Variants in RALGAPA1 observed in about 807,000 individuals in gnomAD.
The protein encoded by RALGAPA1 is Ral GTPase activating protein catalytic subunit alpha 1, also known as ral GTPase-activating protein subunit alpha-1.
Under a neutral mutation model 269.6 loss-of-function variants are expected in RALGAPA1, and 52 were observed. The observed-to-expected ratio is 0.19, with a 90% CI of 0.15 to 0.24. RALGAPA1 has a LOEUF of 0.24. Among genes scored for constraint, RALGAPA1 ranks in the 10% least tolerant of loss-of-function variants. The probability of loss-of-function intolerance (pLI) is 1.00; values close to 1 mark genes in which losing one functional copy is unlikely to be tolerated. For synonymous variants in RALGAPA1, 817 were observed against 1,008.3 expected, an observed-to-expected ratio of 0.81 and a Z score of 3.60; for missense variants, 1,917 against 3,013.9, an observed-to-expected ratio of 0.64 and a Z score of 8.52.
intron 7 of RALGAPA1, among the ~76,000 whole-genome samples, chr14:35,752,979 C>T (rs773633984): frequency 6.6e-6 from 1 of 152,140 alleles, no homozygotes; most frequent in Non-Finnish European, 1.5e-5. Context: ...TATGAATTAA[C>T]ATTAAGATAG....
chr14:35,701,135 A>G (rs1019463367), intron 16 of RALGAPA1, among the ~76,000 whole-genome samples: 33 of 152,194 alleles, frequency 2.2e-4, no homozygotes, highest in African/African-American at 8.0e-4. Context: ...GTTCACAAAA[A>G]TTAAAGATAA....
chr14:35,586,746 C>A (rs2058320884), intron 37 of RALGAPA1, among the ~76,000 whole-genome samples: 2 of 152,106 alleles, frequency 1.3e-5, no homozygotes, highest in African/African-American at 4.8e-5. Flanking sequence ...GGTTCTGTTT[C>A]TATGCTGGAT....
chr14:35,796,425 G>A (rs998339724), intron 1 of RALGAPA1, among the ~76,000 whole-genome samples: 6 of 152,038 alleles, frequency 3.9e-5, no homozygotes, highest in South Asian at 2.1e-4. Flanking sequence ...TCCCTAATAC[G>A]GTAGTAAATG....
At chr14:35,732,440 C>T (rs972775234) in intron 12 of RALGAPA1, among the ~76,000 whole-genome samples, 2 of 151,898 alleles carry the variant, frequency 1.3e-5, no homozygotes, top group Admixed American at 6.6e-5. Context: ...GGTCTAAATG[C>T]TCCACTTAAA....
intron 39 of RALGAPA1, among the ~76,000 whole-genome samples, chr14:35,566,549 T>G (rs1042131146): frequency 6.6e-6 from 1 of 152,124 alleles, no homozygotes; most frequent in African/African-American, 2.4e-5. Flanking sequence ...GATTAACTGG[T>G]GGTTTCCAAA....
chr14:35,787,723 A>C (rs765662282), intron 1 of RALGAPA1, among the ~76,000 whole-genome samples: 13 of 151,094 alleles, frequency 8.6e-5, no homozygotes, highest in Non-Finnish European at 1.3e-4. Context: ...CAACAGGTAC[A>C]TGTCACCACA....
intron 18 of RALGAPA1, among the ~76,000 whole-genome samples, chr14:35,688,219 C>T (rs1215432326): frequency 6.6e-6 from 1 of 152,092 alleles, no homozygotes; most frequent in Non-Finnish European, 1.5e-5. Context: ...ATCCACTTTC[C>T]TATGTTGTTG....
chr14:35,577,506 A>G (rs1487743634), intron 37 of RALGAPA1, among the ~76,000 whole-genome samples: 1 of 152,216 alleles, frequency 6.6e-6, no homozygotes, highest in Non-Finnish European at 1.5e-5. Flanking sequence ...TGAATCTGTC[A>G]GCATCTTGAT....
intron 31 of RALGAPA1, among the ~76,000 whole-genome samples, chr14:35,643,561 A>G (rs2062177192): frequency 6.6e-6 from 1 of 152,220 alleles, no homozygotes; most frequent in Admixed American, 6.5e-5. Context: ...GGAAATCAGC[A>G]TATCTAAGAG....
intron 16 of RALGAPA1, among the ~76,000 whole-genome samples, chr14:35,705,863 G>A (rs992080326): frequency 6.6e-6 from 1 of 152,042 alleles, no homozygotes; most frequent in Non-Finnish European, 1.5e-5. Context: ...GGTGTGTAGT[G>A]GTATCTTGTC....
chr14:35,803,634 A>C (rs2077137008), intron 1 of RALGAPA1, among the ~76,000 whole-genome samples: 1 of 150,202 alleles, frequency 6.7e-6, no homozygotes, highest in Non-Finnish European at 1.5e-5. Flanking sequence ...TATATAAAGA[A>C]CTTTTTTTTT....
chr14:35,564,848 G>T (rs2139360424), intron 39 of RALGAPA1, among the ~76,000 whole-genome samples: 1 of 151,670 alleles, frequency 6.6e-6, no homozygotes, highest in East Asian at 1.9e-4. Flanking sequence ...CACCTTCTGA[G>T]GCCCAGATTT....
intron 5 of RALGAPA1, among the ~76,000 whole-genome samples, chr14:35,762,448 G>A (rs1567178019): frequency 6.6e-6 from 1 of 152,048 alleles, no homozygotes; most frequent in Non-Finnish European, 1.5e-5. Flanking sequence ...TAGAGACAGG[G>A]TTTCACTATG....
chr14:35,696,041 G>A (rs1000116371), intron 17 of RALGAPA1, among the ~76,000 whole-genome samples: 11 of 152,178 alleles, frequency 7.2e-5, no homozygotes, highest in Non-Finnish European at 1.5e-4. Flanking sequence ...CTGATGTTAA[G>A]AAACAGTGCA....
chr14:35,565,215 A>T (rs1158001198), intron 39 of RALGAPA1, among the ~76,000 whole-genome samples: 1 of 151,692 alleles, frequency 6.6e-6, no homozygotes, highest in East Asian at 1.9e-4. Flanking sequence ...TAATAAGGAT[A>T]AAAAGAAAAG....
chr14:35,711,792 A>G (rs2068366360), intron 16 of RALGAPA1, among the ~76,000 whole-genome samples: 1 of 152,060 alleles, frequency 6.6e-6, no homozygotes, highest in Non-Finnish European at 1.5e-5. Flanking sequence ...TCTTTTTAAA[A>G]CAATGCTGTA....
chr14:35,787,036 T>G (rs1312633033), intron 1 of RALGAPA1, among the ~76,000 whole-genome samples: 7 of 152,220 alleles, frequency 4.6e-5, no homozygotes, highest in African/African-American at 1.4e-4. Flanking sequence ...CCCTGCCCCA[T>G]GAAGCCTTCT....
At chr14:35,690,079 T>C (rs2066349508) in intron 17 of RALGAPA1, 76 bp from the exon 18 acceptor site, 1 of 1,076,608 alleles carries the variant, frequency 9.3e-7, no homozygotes, top group Admixed American at 3.0e-5. Context: ...AATAATGCTC[T>C]AAAGCATATG....
intron 41 of RALGAPA1, among the ~76,000 whole-genome samples, chr14:35,543,191 C>T (rs533188541): frequency 1.2e-4 from 19 of 152,254 alleles, no homozygotes; most frequent in East Asian, 9.6e-4. Context: ...TTTTTGTATT[C>T]GTAAAATGGA....
Sources: gnomAD v4.1 joint callset for allele counts (sites outside exome capture counted in the v4.1 genomes callset) on GRCh38, gnomAD v4.1.1 for gene constraint, MANE v1.5 for transcripts, NCBI Gene and HGNC (gene_info 2026-07-23, HGNC 2026-07-21) for gene names.